Variants in IGFBP5 observed in about 807,000 individuals in gnomAD.
IGFBP5 encodes the protein insulin like growth factor binding protein 5.
Under a neutral mutation model 28.0 loss-of-function variants are expected in IGFBP5, and 12 were observed. That is an observed-to-expected ratio of 0.43 (90% CI 0.27 to 0.69). The LOEUF is 0.69. IGFBP5 is among the 30% of genes least tolerant of loss of function. IGFBP5 has a pLI of 0.20. For missense variants in IGFBP5, 344 were observed against 381.6 expected, an observed-to-expected ratio of 0.90 and a Z score of 0.82; for synonymous variants, 152 against 150.2, an observed-to-expected ratio of 1.01 and a Z score of -0.09.
At position 216,694,754 on chromosome 2, in the gene IGFBP5, G is replaced by A. The variant is rs1396227579; in HGVS notation, c.22C>T (p.Leu8Phe). The part of the protein sequence containing the change: MVLLTAV[L>F]LLLAAYAGPA... ...CCCGCATAGGCGGCCAGCAGCAGGA[G>A]GACCGCGGTGAGCAACACCATCTTC... The change falls in exon 1 of 4, where the codon CTC (leucine) becomes TTC (phenylalanine). Residue 8 changes from leucine to phenylalanine, a missense_variant. Transcript: ENST00000233813. This position sits in a 1 kb window ranked among gnomAD's most constrained non-coding sequence, Gnocchi z 5.2. The A allele has an allele frequency of 7.0e-7, 1 of 1,431,022 alleles. No individual in the cohort carries two copies. 88.6% of individuals were successfully genotyped at this position (1,431,022 alleles called of 1,614,324 possible).
intron 1 of IGFBP5, among the ~76,000 whole-genome samples, chr2:216,682,360 G>C (rs1688986055): frequency 6.6e-6 from 1 of 152,226 alleles, no homozygotes; most frequent in African/African-American, 2.4e-5. Flanking sequence ...GACTGGAGCT[G>C]AGTGCCAGAA....
chr2:216,681,277 G>C (rs1688975185), intron 1 of IGFBP5, among the ~76,000 whole-genome samples: 1 of 152,194 alleles, frequency 6.6e-6, no homozygotes, highest in South Asian at 2.1e-4. Context: ...AAAAGTAGTT[G>C]ACTACTGTAG....
chr2:216,694,448 C>T lies in IGFBP5; in HGVS notation c.328G>A (p.Val110Ile). ...CACTGAGCGCGCTCACCGATCTTGA[C>T]TTGCTCGCGGTAGCTCTTTTCGTTG... Reference protein sequence around the residue: ...CLNEKSYREQVKIERDSREHE... With the variant: ...CLNEKSYREQIKIERDSREHE... Residue 110 changes from valine (V) to isoleucine (I), a missense_variant, in exon 1 of 4, where the codon GTC (valine) becomes ATC (isoleucine). Transcript: ENST00000233813. The surrounding 1 kb of genome is among the most constrained non-coding windows in gnomAD (Gnocchi z 5.2). 3.2e-6 allele frequency: 5 copies of T among 1,560,546 alleles called. No individual in the cohort carries two copies. The South Asian group carries it at 6.0e-5, about 19-fold the overall frequency.
Position 216,679,004 on chromosome 2 carries a change from C to T in IGFBP5, c.413G>A (p.Arg138Gln), listed in dbSNP as rs758117726. Residue 138 changes from arginine (R) to glutamine (Q), a missense_variant, in exon 2 of 4, where the codon CGG becomes CAG. Arg to Gln is a conservative substitution (Grantham distance 43, BLOSUM62 1). This residue lies in a region of IGFBP5 where 304 missense variants were observed against 329.2 expected (regional missense o/e 0.92). Coordinates refer to ENST00000233813, the MANE Select transcript of IGFBP5 (RefSeq NM_000599.4). This position sits in a 1 kb window ranked among gnomAD's most constrained non-coding sequence, Gnocchi z 4.6. ...AEETYSPKIF[R>Q]PKHTRISELK... ...CTCGGAGATGCGGGTGTGTTTGGGC[C>T]GGAAGATCTTGGGGGAGTAGGTCTC... 3.2e-5 allele frequency: 51 copies of T among 1,613,950 alleles called. No individual in the cohort carries two copies. The highest frequency in any genetic ancestry group is 1.2e-4 in the Admixed American group (7 of 60,002).
intron 1 of IGFBP5, among the ~76,000 whole-genome samples, chr2:216,686,730 G>C (rs1374489363): frequency 7.5e-6 from 1 of 134,032 alleles, no homozygotes; most frequent in Non-Finnish European, 1.6e-5. Flanking sequence ...GCAGTGGCAT[G>C]ATCTTGGCTC....
intron 1 of IGFBP5, among the ~76,000 whole-genome samples, chr2:216,682,397 TG>T (rs1335473442): frequency 6.6e-6 from 1 of 152,174 alleles, no homozygotes. Flanking sequence ...AGCTGCTCTG[TG>T]GCTGAGTCAT....
chr2:216,684,289 C>G (rs564043117), intron 1 of IGFBP5, among the ~76,000 whole-genome samples: 1 of 152,224 alleles, frequency 6.6e-6, no homozygotes, highest in Non-Finnish European at 1.5e-5. Context: ...AGGAGACCTG[C>G]CTGCCTAAAA....
rs564335766 is a variant in IGFBP5 at position 216,695,463 on chromosome 2, A to G, written c.-688T>C. 1.3e-5 allele frequency: 2 copies of G among 152,386 alleles called. No individual in the cohort carries two copies. Among genetic ancestry groups the G allele is most frequent in the African/African-American group, 4.8e-5 (2 of 41,588 alleles). 9.4% of individuals were successfully genotyped at this position (152,386 alleles called of 1,614,324 possible). ...GGGTGAAAACGGAGGAGGGGTAATGAAAAGGAGCAAAAAAGGGAAAAAGCC... is the reference window on the plus strand; with the variant it reads ...GGGTGAAAACGGAGGAGGGGTAATGGAAAGGAGCAAAAAAGGGAAAAAGCC... On this transcript the variant is annotated 5_prime_UTR_variant, in exon 1 of 4. Coordinates refer to ENST00000233813, the MANE Select transcript of IGFBP5 (RefSeq NM_000599.4).
At position 216,674,236 on chromosome 2, in the gene IGFBP5, A is replaced by ATGG. The variant is rs1688868909; in HGVS notation, c.*2514_*2515insCCA. The ATGG allele has an allele frequency of 6.5e-6, 1 of 153,272 alleles. No individual in the cohort carries two copies. Among genetic ancestry groups the ATGG allele is most frequent in the Non-Finnish European group, 1.5e-5 (1 of 68,124 alleles). 9.5% of individuals were successfully genotyped at this position (153,272 alleles called of 1,614,324 possible). On this transcript the variant is annotated 3_prime_UTR_variant, in exon 4 of 4. Transcript: ENST00000233813. The surrounding 1 kb of genome is among the most constrained non-coding windows in gnomAD (Gnocchi z 4.4). ...CAAAGGGAGAATGGGTGGAAAGAAC[A>ATGG]GTGACGTGGAAGAGGTTTGGGATAC...
At chr2:216,684,732 C>T (rs1320885571) in intron 1 of IGFBP5, among the ~76,000 whole-genome samples, 1 of 152,218 alleles carries the variant, frequency 6.6e-6, no homozygotes. Context: ...CAATAAATAA[C>T]CTTTAAATGG....
At chr2:216,688,531 T>G (rs1227688585) in intron 1 of IGFBP5, among the ~76,000 whole-genome samples, 1 of 152,206 alleles carries the variant, frequency 6.6e-6, no homozygotes, top group Non-Finnish European at 1.5e-5. Context: ...GTATTATGTT[T>G]CAATTGGAAG....
In IGFBP5 at chr2:216,686,771, A is replaced by G. The variant is rs190508674; in HGVS notation, c.337+7668T>C. 1.0e-3 allele frequency among the ~76,000 whole-genome samples: 149 copies of G among 146,294 alleles called. 1 individual carries two copies. The highest frequency in any genetic ancestry group is 3.6e-3 in the African/African-American group (143 of 39,220). On this transcript the variant is annotated intron_variant, in intron 1 of 3. Coordinates refer to ENST00000233813, the MANE Select transcript of IGFBP5 (RefSeq NM_000599.4). ...AACCCTCTCCTCCCAGGTTCAAATG[A>G]TTCTCCTGCCTCAGCCTCTTGAGTA...
chr2:216,685,770 T>G (rs886969532), intron 1 of IGFBP5, among the ~76,000 whole-genome samples: 1 of 152,306 alleles, frequency 6.6e-6, no homozygotes, highest in African/African-American at 2.4e-5. Flanking sequence ...AGGGGGAAGG[T>G]GCTGTGGACA....
chr2:216,682,205 T>C (rs1476953417), intron 1 of IGFBP5, among the ~76,000 whole-genome samples: 1 of 152,196 alleles, frequency 6.6e-6, no homozygotes, highest in African/African-American at 2.4e-5. Context: ...CTTAACCCCA[T>C]GGGACCTATT....
At chr2:216,684,424 G>C (rs1177301868) in intron 1 of IGFBP5, among the ~76,000 whole-genome samples, 1 of 152,182 alleles carries the variant, frequency 6.6e-6, no homozygotes, top group African/African-American at 2.4e-5. Flanking sequence ...GAGAAAACTA[G>C]GTGACCCAGA....
Position 216,694,788 on chromosome 2 carries a change from G to T in IGFBP5, c.-13C>A, listed in dbSNP as rs1469095240. The T allele has an allele frequency of 7.2e-7, 1 of 1,388,714 alleles. No homozygotes were observed. The highest frequency in any genetic ancestry group is 9.3e-7 in the Non-Finnish European group (1 of 1,074,758). The allele number at this position is 1,388,714 out of a possible 1,614,324, so 86.0% of individuals were successfully genotyped here. ...TGAGCAACACCATCTTCTCTTAGTC[G>T]CCCCCTTTACCTCGGGGTGGGGCAG... On this transcript the variant is annotated 5_prime_UTR_variant, in exon 1 of 4. Coordinates refer to ENST00000233813, the MANE Select transcript of IGFBP5 (RefSeq NM_000599.4). The surrounding 1 kb of genome is among the most constrained non-coding windows in gnomAD (Gnocchi z 5.2).
intron 1 of IGFBP5, among the ~76,000 whole-genome samples, chr2:216,683,246 G>C (rs956508360): frequency 3.3e-5 from 5 of 152,174 alleles, no homozygotes; most frequent in African/African-American, 1.2e-4. Flanking sequence ...GCTTGAGCCC[G>C]GAAGGTGGGA....
At chr2:216,678,753 T>C (rs1375176275) in intron 2 of IGFBP5, 97 bp downstream of exon 2, 2 of 1,003,302 alleles carry the variant, frequency 2.0e-6, no homozygotes, top group Non-Finnish European at 3.0e-6. Context: ...GGTCCTCTGC[T>C]GGGTCTAGTC....
At chr2:216,678,686 T>G in intron 2 of IGFBP5, 164 bp downstream of exon 2, 1 of 623,622 alleles carries the variant, frequency 1.6e-6, no homozygotes. Flanking sequence ...CCCTGACAAG[T>G]GTATGCTCTG....
Sources: allele counts gnomAD v4.1 joint callset (sites outside exome capture counted in the v4.1 genomes callset), GRCh38; gene constraint gnomAD v4.1.1; regional missense constraint gnomAD v4.1.1; non-coding constraint Gnocchi (gnomAD v3.1); transcripts MANE v1.5; gene names NCBI Gene and HGNC (gene_info 2026-07-23, HGNC 2026-07-21).